Variants in GALNT17 observed in about 807,000 individuals in gnomAD.
The protein encoded by GALNT17 is UDP-GalNAc:polypeptide N-acetylgalactosaminyltransferase-like 3.
A neutral mutation model predicts 63.7 loss-of-function variants in GALNT17; 29 were observed. The observed-to-expected ratio is 0.46, with a 90% confidence interval of 0.34 to 0.62. GALNT17 has a LOEUF of 0.62. Ranked by LOEUF, GALNT17 falls within the 20% of genes least tolerant of loss-of-function variation. The pLI, the probability that GALNT17 is intolerant of heterozygous loss-of-function variation, is 0.01. For missense variants in GALNT17, 603 were observed against 799.6 expected, an observed-to-expected ratio of 0.75 and a Z score of 2.97; for synonymous variants, 305 against 318.3, an observed-to-expected ratio of 0.96 and a Z score of 0.45.
At chr7:71,517,289 C>T (rs573466921) in intron 5 of GALNT17, among the ~76,000 whole-genome samples, 35 of 152,308 alleles carry the variant, frequency 2.3e-4, no homozygotes, top group African/African-American at 8.4e-4. Flanking sequence ...GTCCTTTCTT[C>T]TTCTTACAGG....
chr7:71,490,167 G>GA (rs1281264093), intron 5 of GALNT17, among the ~76,000 whole-genome samples: 2 of 151,800 alleles, frequency 1.3e-5, no homozygotes, highest in African/African-American at 4.8e-5. Context: ...TGAGGCAGGA[G>GA]AATCATTTGA....
intron 1 of GALNT17, among the ~76,000 whole-genome samples, chr7:71,190,058 A>G (rs1788923390): frequency 6.6e-6 from 1 of 151,964 alleles, no homozygotes; most frequent in Non-Finnish European, 1.5e-5. Context: ...TGATCTGCCC[A>G]CCTTGGCCTC....
intron 1 of GALNT17, among the ~76,000 whole-genome samples, chr7:71,328,910 T>C (rs568891448): frequency 6.6e-6 from 1 of 150,516 alleles, no homozygotes; most frequent in African/African-American, 2.5e-5. Flanking sequence ...TTAATTTCTA[T>C]ACTGTTTTAT....
intron 5 of GALNT17, among the ~76,000 whole-genome samples, chr7:71,478,664 C>A (rs750974325): frequency 3.3e-5 from 5 of 152,208 alleles, no homozygotes; most frequent in Admixed American, 6.5e-5. Flanking sequence ...TCACTGCCTC[C>A]CTTGTAGCTA....
intron 7 of GALNT17, among the ~76,000 whole-genome samples, chr7:71,667,058 G>T (rs2117049758): frequency 6.6e-6 from 1 of 152,200 alleles, no homozygotes; most frequent in East Asian, 1.9e-4. Flanking sequence ...TGCACAGCAG[G>T]GTAACCTGCA....
chr7:71,562,053 T>G (rs554222003), intron 5 of GALNT17, among the ~76,000 whole-genome samples: 9 of 152,046 alleles, frequency 5.9e-5, no homozygotes, highest in Non-Finnish European at 1.3e-4. Flanking sequence ...ACTCCCAGGC[T>G]CAAGTGATTC....
At chr7:71,592,155 G>A (rs1434981639) in intron 6 of GALNT17, among the ~76,000 whole-genome samples, 1 of 152,118 alleles carries the variant, frequency 6.6e-6, no homozygotes, top group Non-Finnish European at 1.5e-5. Flanking sequence ...GATGCCATGA[G>A]CAGGAAGGAA....
chr7:71,332,513 G>T (rs1321724752), intron 1 of GALNT17, among the ~76,000 whole-genome samples: 1 of 151,988 alleles, frequency 6.6e-6, no homozygotes, highest in Non-Finnish European at 1.5e-5. Context: ...TTTCTTTCTT[G>T]CAAGGTCACC....
rs1025191798 is a variant in GALNT17 at position 71,260,811 on chromosome 7, C to T, written c.239-74739C>T. ...AGAGATGGAAGTCTCACTATGTTGC[C>T]CAGGCTGGCCTCGAACTCCTGGACT... On this transcript the variant is annotated intron_variant, in intron 1 of 10. Coordinates refer to ENST00000333538, the MANE Select transcript of GALNT17 (RefSeq NM_022479.3). Among the ~76,000 whole-genome samples the T allele has an allele frequency of 5.9e-5, 9 of 151,804 alleles. 1 individual carries two copies. In the South Asian group the frequency reaches 1.3e-3, roughly 21 times the overall value.
chr7:71,552,170 G>A (rs1192441408), intron 5 of GALNT17, among the ~76,000 whole-genome samples: 1 of 151,516 alleles, frequency 6.6e-6, no homozygotes, highest in Non-Finnish European at 1.5e-5. Flanking sequence ...TCAGCCTCTT[G>A]CATAGCTGGG....
At chr7:71,580,399 T>TGATTGATTGATA (rs1554311849) in intron 6 of GALNT17, among the ~76,000 whole-genome samples, 2 of 147,478 alleles carry the variant, frequency 1.4e-5, no homozygotes, top group Admixed American at 6.8e-5. Context: ...GATAGATGGA[T>TGATTGATTGATA]GATAGATAGA....
intron 6 of GALNT17, among the ~76,000 whole-genome samples, chr7:71,628,098 G>A (rs1189160483): frequency 2.1e-5 from 3 of 144,642 alleles, no homozygotes; most frequent in Non-Finnish European, 4.6e-5. Context: ...ATGCCTCATA[G>A]AGAGGTGATA....
intron 9 of GALNT17, among the ~76,000 whole-genome samples, chr7:71,698,236 G>A (rs1791575063): frequency 6.6e-6 from 1 of 152,032 alleles, no homozygotes; most frequent in African/African-American, 2.4e-5. Context: ...CTGACAGTGT[G>A]TCTGTCCTAT....
At chr7:71,324,781 A>T (rs967161047) in intron 1 of GALNT17, among the ~76,000 whole-genome samples, 1 of 152,162 alleles carries the variant, frequency 6.6e-6, no homozygotes, top group African/African-American at 2.4e-5. Context: ...ACACATACGC[A>T]TGTGAATTTA....
chr7:71,549,837 G>C (rs1789047184), intron 5 of GALNT17, among the ~76,000 whole-genome samples: 1 of 151,858 alleles, frequency 6.6e-6, no homozygotes, highest in African/African-American at 2.4e-5. Context: ...GGATCCGAGG[G>C]AAAGGAGGTT....
At chr7:71,654,271 G>A (rs1290581807) in intron 6 of GALNT17, among the ~76,000 whole-genome samples, 1 of 152,126 alleles carries the variant, frequency 6.6e-6, no homozygotes, top group Non-Finnish European at 1.5e-5. Context: ...CTCCAGCCTT[G>A]TGATCGGCAA....
At chr7:71,209,061 C>T (rs1322506313) in intron 1 of GALNT17, among the ~76,000 whole-genome samples, 1 of 152,212 alleles carries the variant, frequency 6.6e-6, no homozygotes, top group Non-Finnish European at 1.5e-5. Context: ...CAGGCATAGA[C>T]ACCTCATAAA....
At chr7:71,204,956 G>T (rs895515231) in intron 1 of GALNT17, among the ~76,000 whole-genome samples, 1 of 151,894 alleles carries the variant, frequency 6.6e-6, no homozygotes, top group Non-Finnish European at 1.5e-5. Flanking sequence ...ATGTTGGCCA[G>T]CCTGGTCTCG....
chr7:71,678,794 CAAA>C (rs71089973), intron 9 of GALNT17, among the ~76,000 whole-genome samples: 5 of 136,120 alleles, frequency 3.7e-5, no homozygotes, highest in Admixed American at 7.3e-5. Flanking sequence ...GACTCTGTCT[CAAA>C]AAAAAAAAAA....
Sources: gnomAD v4.1 joint callset for allele counts (sites outside exome capture counted in the v4.1 genomes callset) on GRCh38, gnomAD v4.1.1 for gene constraint, MANE v1.5 for transcripts, NCBI Gene and HGNC (gene_info 2026-07-23, HGNC 2026-07-21) for gene names.